The following LAPTM4B variants were observed in gnomAD, a reference collection of about 807,000 sequenced individuals.
LAPTM4B encodes the protein lysosomal-associated transmembrane protein 4B.
In LAPTM4B, 26 loss-of-function variants were observed where a neutral mutation model predicts 28.5. That is an observed-to-expected ratio of 0.91 (90% CI 0.67 to 1.27). The LOEUF (loss-of-function observed/expected upper bound fraction) is 1.27, where lower values mean the gene tolerates loss of function less well. Ranked by LOEUF, LAPTM4B falls within the 50% of genes most tolerant of loss-of-function variation. LAPTM4B has a pLI of 0.00. For synonymous variants in LAPTM4B, 109 were observed against 106.4 expected (o/e 1.02, Z -0.15); for missense variants, 288 against 285.8 (o/e 1.01, Z -0.06).
At chr8:97,833,686 C>G (rs1817218260) in intron 6 of LAPTM4B, among the ~76,000 whole-genome samples, 1 of 152,080 alleles carries the variant, frequency 6.6e-6, no homozygotes, top group Non-Finnish European at 1.5e-5. Context: ...TCAGATTTGC[C>G]TGTTTGTTTT....
intron 6 of LAPTM4B, among the ~76,000 whole-genome samples, chr8:97,835,593 T>C (rs533486448): frequency 6.6e-6 from 1 of 152,318 alleles, no homozygotes; most frequent in Non-Finnish European, 1.5e-5. Flanking sequence ...GACTTAATAG[T>C]GGTCATTGGG....
Position 97,852,040 on chromosome 8 carries a change from A to G in LAPTM4B, c.*566A>G, listed in dbSNP as rs186009050. 1.9e-5 allele frequency: 3 copies of G among 154,972 alleles called. No homozygotes were observed. The highest frequency in any genetic ancestry group is 1.9e-4 in the Admixed American group (3 of 15,666). 9.6% of individuals were successfully genotyped at this position (154,972 alleles called of 1,614,324 possible). ...TGTTTGGTGGTAAAGGATTTTCTCC[A>G]TGGCCTGAATTAAGACCATTAGAAA... is the stretch of plus-strand genomic sequence containing the variant. On this transcript the variant is annotated 3_prime_UTR_variant, in exon 7 of 7. Coordinates refer to ENST00000521545, the MANE Select transcript of LAPTM4B (RefSeq NM_018407.6).
chr8:97,843,416 A>G (rs1206065725), intron 6 of LAPTM4B, among the ~76,000 whole-genome samples: 2 of 152,172 alleles, frequency 1.3e-5, no homozygotes, highest in African/African-American at 4.8e-5. Context: ...TCAAACCCAC[A>G]AAAAACAAAA....
At chr8:97,847,068 G>A (rs1473384850) in intron 6 of LAPTM4B, among the ~76,000 whole-genome samples, 2 of 152,108 alleles carry the variant, frequency 1.3e-5, no homozygotes, top group African/African-American at 4.8e-5. Context: ...TTTCCCACAT[G>A]TTATGTAGGC....
chr8:97,830,391 C>T (rs866102288), intron 6 of LAPTM4B, among the ~76,000 whole-genome samples: 2 of 152,066 alleles, frequency 1.3e-5, no homozygotes, highest in Non-Finnish European at 2.9e-5. Flanking sequence ...AGGGTGAGAC[C>T]AGGAGATGTC....
chr8:97,846,442 G>A (rs938161242), intron 6 of LAPTM4B, among the ~76,000 whole-genome samples: 6 of 151,474 alleles, frequency 4.0e-5, no homozygotes, highest in Admixed American at 2.0e-4. Flanking sequence ...ATCCTACTGC[G>A]TCAGCCTCCC....
chr8:97,778,036 A>G (rs904762060), intron 1 of LAPTM4B, among the ~76,000 whole-genome samples: 1 of 152,250 alleles, frequency 6.6e-6, no homozygotes, highest in African/African-American at 2.4e-5. Flanking sequence ...GCTGTAATCC[A>G]ACCAGACAGT....
At chr8:97,825,813 A>G (rs1221795451) in intron 6 of LAPTM4B, among the ~76,000 whole-genome samples, 1 of 152,224 alleles carries the variant, frequency 6.6e-6, no homozygotes, top group Non-Finnish European at 1.5e-5. Context: ...CTCTGTCGTC[A>G]CTGCCTGATG....
intron 5 of LAPTM4B, among the ~76,000 whole-genome samples, chr8:97,819,453 C>G (rs1426840773): frequency 6.6e-6 from 1 of 152,004 alleles, no homozygotes; most frequent in African/African-American, 2.4e-5. Context: ...TATATTTGGA[C>G]AGAGATAAGT....
intron 1 of LAPTM4B, among the ~76,000 whole-genome samples, chr8:97,789,860 T>TCA (rs1287555038): frequency 6.6e-6 from 1 of 152,144 alleles, no homozygotes; most frequent in South Asian, 2.1e-4. Context: ...TTCTGCCTCG[T>TCA]CACTCCCCAC....
chr8:97,813,686 C>G (rs1041093979), intron 2 of LAPTM4B, among the ~76,000 whole-genome samples: 1 of 148,332 alleles, frequency 6.7e-6, no homozygotes, highest in Non-Finnish European at 1.5e-5. Context: ...AACGTGCTCA[C>G]CGGCTGCTTC....
At chr8:97,803,517 A>G (rs952734112) in intron 1 of LAPTM4B, among the ~76,000 whole-genome samples, 2 of 152,138 alleles carry the variant, frequency 1.3e-5, no homozygotes, top group African/African-American at 4.8e-5. Context: ...CAAGTAATCC[A>G]CCCACCTTGG....
chr8:97,837,528 G>T (rs191490859), intron 6 of LAPTM4B, among the ~76,000 whole-genome samples: 30 of 152,170 alleles, frequency 2.0e-4, no homozygotes, highest in Admixed American at 1.2e-3. Context: ...ACAAGTTCTT[G>T]ACTGCATAAT....
chr8:97,838,136 A>AG (rs1336372969), intron 6 of LAPTM4B, among the ~76,000 whole-genome samples: 3 of 152,206 alleles, frequency 2.0e-5, no homozygotes, highest in African/African-American at 7.2e-5. Context: ...GAGCTGTCAG[A>AG]GGTAGTTAAT....
chr8:97,804,728 G>C (rs1363818998), intron 1 of LAPTM4B, among the ~76,000 whole-genome samples: 7 of 152,164 alleles, frequency 4.6e-5, no homozygotes, highest in Admixed American at 2.6e-4. Context: ...TGTTAAAGAA[G>C]GTGATTGTCA....
chr8:97,840,576 C>T (rs779959234), intron 6 of LAPTM4B, among the ~76,000 whole-genome samples: 52 of 152,156 alleles, frequency 3.4e-4, no homozygotes, highest in Non-Finnish European at 6.5e-4. Context: ...GATGTTATCA[C>T]TTGTCAATAG....
Position 97,815,399 on chromosome 8 carries a change from A to G in LAPTM4B, c.283A>G (p.Lys95Glu). The G allele has an allele frequency of 6.2e-7, 1 of 1,612,022 alleles. No homozygotes were observed. Among genetic ancestry groups the G allele is most frequent in the Non-Finnish European group, 8.5e-7 (1 of 1,178,104 alleles). The change falls in exon 3 of 7, where the codon AAG (lysine) becomes GAG (glutamate). Residue 95 changes from lysine to glutamate, a missense_variant and splice_region_variant. Physicochemically the swap from Lys to Glu is moderately conservative, Grantham distance 56. Coordinates refer to ENST00000521545, the MANE Select transcript of LAPTM4B (RefSeq NM_018407.6). The stretch of plus-strand genomic sequence containing the variant: ...TGCTATGGCTACTTACGGAGCGTAC[A>G]AGGTAAGCCGCTTGCAGTAAGATGC... ...ICAMATYGAY[K>E]QRAAWIIPFF... is the part of the protein sequence containing the mutation.
At chr8:97,814,689 T>C (rs923610817) in intron 2 of LAPTM4B, among the ~76,000 whole-genome samples, 53 of 152,182 alleles carry the variant, frequency 3.5e-4, no homozygotes, top group African/African-American at 1.3e-3. Flanking sequence ...ATGAAGGTTT[T>C]ATTTTTATTT....
At chr8:97,813,022 G>A (rs114127330) in intron 2 of LAPTM4B, among the ~76,000 whole-genome samples, 2,599 of 152,282 alleles carry the variant, frequency 0.017, 59 homozygotes, top group African/African-American at 0.057. Context: ...TACTGAAATC[G>A]TAGGATGTTA....
Sources: gnomAD v4.1 joint callset for allele counts (sites outside exome capture counted in the v4.1 genomes callset) on GRCh38, gnomAD v4.1.1 for gene constraint, MANE v1.5 for transcripts, NCBI Gene and HGNC (gene_info 2026-07-23, HGNC 2026-07-21) for gene names.